Variants in RSRP1 observed in about 807,000 individuals in gnomAD.
The protein encoded by RSRP1 is arginine/serine-rich protein 1.
RSRP1 carries 37 observed loss-of-function variants against 33.0 expected under a neutral mutation model. The observed-to-expected ratio is 1.12, with a 90% CI of 0.86 to 1.48. RSRP1 has a LOEUF of 1.48. Among genes scored for constraint, RSRP1 ranks in the 40% most tolerant of loss-of-function variants. The pLI is 0.00. For synonymous variants in RSRP1, 167 were observed against 158.7 expected (o/e 1.05, Z -0.40); for missense variants, 402 against 385.3 (o/e 1.04, Z -0.36).
chr1:25,289,034 G>T (rs1642273797), intron 1 of RSRP1, among the ~76,000 whole-genome samples: 1 of 133,734 alleles, frequency 7.5e-6, no homozygotes, highest in East Asian at 2.0e-4. Context: ...GCTGAGTCCA[G>T]ACTTCAGAGC....
rs558096228 is a variant in RSRP1 at position 25,271,639 on chromosome 1, G to A, written c.-66-24610C>T. Among the ~76,000 whole-genome samples the A allele has an allele frequency of 1.5e-5, 2 of 132,570 alleles. 1 individual carries two copies. The highest frequency in any genetic ancestry group is 5.1e-5 in the African/African-American group (2 of 38,926). 87.0% of individuals were successfully genotyped at this position (132,570 alleles called of 152,430 possible). ...TACCAGACCTTCTGCCAGGCACATGGATGGGAGCACAGGGGAAGTTGGCTG... is the reference window on the plus strand; with the variant it reads ...TACCAGACCTTCTGCCAGGCACATGAATGGGAGCACAGGGGAAGTTGGCTG... On this transcript the variant is annotated intron_variant, in intron 1 of 1. Coordinates refer to the RSRP1 transcript ENST00000561867.
chr1:25,338,215 C>G (rs1182910398), upstream of RSRP1: 5 of 152,200 alleles, frequency 3.3e-5, no homozygotes, highest in African/African-American at 1.2e-4. Context: ...GCGGAAAGCC[C>G]CTGAACCCAG....
At chr1:25,272,764 T>G in intron 1 of RSRP1, 1 of 1,356,366 alleles carries the variant, frequency 7.4e-7, no homozygotes, top group East Asian at 2.2e-5. Context: ...GGCCTGTGGT[T>G]CTCCAGGGGC....
chr1:25,337,196 G>A (rs1409033571), intron 1 of RSRP1: 1 of 151,368 alleles, frequency 6.6e-6, no homozygotes, highest in Non-Finnish European at 1.5e-5. Flanking sequence ...ACCTTCCCCC[G>A]AGAGTGACCA....
intron 1 of RSRP1, chr1:25,290,716 G>T (rs749145983): frequency 1.5e-6 from 2 of 1,377,786 alleles, no homozygotes; most frequent in African/African-American, 1.4e-5. Flanking sequence ...TCAACTTGGC[G>T]CAGTTGGTGG....
chr1:25,252,574 C>T (rs1639823420), intron 1 of RSRP1, among the ~76,000 whole-genome samples: 1 of 149,848 alleles, frequency 6.7e-6, no homozygotes. Flanking sequence ...ACTCTTGTTG[C>T]CCAGGCTGGA....
chr1:25,253,489 G>C (rs538642747), intron 1 of RSRP1: 1 of 152,242 alleles, frequency 6.6e-6, no homozygotes, highest in African/African-American at 2.4e-5. Context: ...AGCCTCCCGA[G>C]TAGCTGGGAT....
intron 3 of RSRP1, chr1:25,244,583 T>C: frequency 1.6e-6 from 2 of 1,282,756 alleles, no homozygotes; most frequent in South Asian, 1.2e-5. Context: ...AAATGAAAGC[T>C]ACAAACACTC....
chr1:25,318,585 CAA>C (rs532453902), intron 1 of RSRP1, among the ~76,000 whole-genome samples: 4 of 121,138 alleles, frequency 3.3e-5, no homozygotes, highest in African/African-American at 1.1e-4. Context: ...GAGACTGTCT[CAA>C]AAAAAAAAGA....
chr1:25,291,424 G>A lies in RSRP1; in HGVS notation c.-66-44395C>T, dbSNP rs1189374685. 3.0e-5 allele frequency among the ~76,000 whole-genome samples: 4 copies of A among 131,818 alleles called. 1 individual carries two copies. Among genetic ancestry groups the A allele is most frequent in the East Asian group, 1.9e-4 (1 of 5,136 alleles). The allele number at this position is 131,818 out of a possible 152,430, so 86.5% of individuals were successfully genotyped here. A position where few individuals can be genotyped will look rare whatever the true frequency, so the allele number is the denominator to read the frequency against. ...GTGGAGGTTGCAGTGAACCGAGATC[G>A]CGCCATTGCACTGCAGCCTGGGGGA... On this transcript the variant is annotated intron_variant, in intron 1 of 1. Transcript: ENST00000561867.
chr1:25,329,822 T>A (rs1475149000), intron 1 of RSRP1: 1 of 129,218 alleles, frequency 7.7e-6, no homozygotes, highest in African/African-American at 2.6e-5. Flanking sequence ...CCCAGCTAAT[T>A]TTTGCATTTT....
chr1:25,253,885 G>C (rs1270523990), intron 1 of RSRP1: 1 of 152,178 alleles, frequency 6.6e-6, no homozygotes, highest in Non-Finnish European at 1.5e-5. Flanking sequence ...GGTGGTGGGG[G>C]TCAGCTTAGC....
At chr1:25,312,919 C>CA (rs1571719513) in intron 1 of RSRP1, among the ~76,000 whole-genome samples, 1 of 3,618 alleles carries the variant, frequency 2.8e-4, no homozygotes, top group East Asian at 0.014. Flanking sequence ...AATCCCATCT[C>CA]TAAAAAAAAA....
chr1:25,309,053 G>A lies in RSRP1; in HGVS notation c.-67+28925C>T, dbSNP rs549752434. On this transcript the variant is annotated intron_variant, in intron 1 of 1. Transcript: ENST00000561867. ...TGGAAAGATGGAGAGAGGATTAAGC[G>A]CAAAGTCACAACACTTAATGGGAAC... is the stretch of plus-strand genomic sequence containing the variant. Among the ~76,000 whole-genome samples, 4 of 132,212 alleles carry A rather than the reference G, an allele frequency of 3.0e-5. No homozygotes were observed. The South Asian group carries it at 6.9e-4, about 23-fold the overall frequency. The allele number at this position is 132,212 out of a possible 152,430, so 86.7% of individuals were successfully genotyped here. A position where few individuals can be genotyped will look rare whatever the true frequency, so the allele number is the denominator to read the frequency against.
chr1:25,285,111 T>A (rs1212840717), intron 1 of RSRP1, among the ~76,000 whole-genome samples: 3 of 133,274 alleles, frequency 2.3e-5, no homozygotes, highest in African/African-American at 7.8e-5. Context: ...GAAATAGACA[T>A]GCCACACCTA....
rs1388614461 is a variant in RSRP1 at position 25,333,606 on chromosome 1, C to G, written c.-67+4372G>C. 3.1e-5 allele frequency among the ~76,000 whole-genome samples: 4 copies of G among 131,066 alleles called. 2 individuals carry two copies. Among genetic ancestry groups the G allele is most frequent in the Non-Finnish European group, 3.6e-5 (2 of 55,600 alleles). The allele number at this position is 131,066 out of a possible 152,430, so 86.0% of individuals were successfully genotyped here. A position where few individuals can be genotyped will look rare whatever the true frequency, so the allele number is the denominator to read the frequency against. ...TGGCCAGGAGCTAGAGCATGAGGAT[C>G]TCGTAGGATTTTATTCTGCAAGGTG... On this transcript the variant is annotated intron_variant, in intron 1 of 1. Transcript: ENST00000561867.
intron 1 of RSRP1, chr1:25,290,666 T>G: frequency 7.3e-7 from 1 of 1,378,196 alleles, no homozygotes; most frequent in Non-Finnish European, 1.0e-6. Flanking sequence ...CATGAGTGCT[T>G]TGTCGGTGCT....
At chr1:25,314,293 T>G (rs1213921440) in intron 1 of RSRP1, among the ~76,000 whole-genome samples, 2 of 132,862 alleles carry the variant, frequency 1.5e-5, no homozygotes, top group African/African-American at 5.1e-5. Flanking sequence ...AACCTATTGT[T>G]TACATTTTGA....
rs540368974 is a variant in RSRP1 at position 25,300,726 on chromosome 1, G to A, written c.-67+37252C>T. ...AGGGAAGCTGAGGCAGGAGAATCGC[G>A]TGAACCTGGGAGGCAAATGTTCCAG... On this transcript the variant is annotated intron_variant, in intron 1 of 1. Transcript: ENST00000561867. Among the ~76,000 whole-genome samples the A allele has an allele frequency of 1.5e-5, 2 of 131,628 alleles. 1 individual carries two copies. The highest frequency in any genetic ancestry group is 1.5e-4 in the Admixed American group (2 of 13,654). 86.4% of individuals were successfully genotyped at this position (131,628 alleles called of 152,430 possible).
Sources: gnomAD v4.1 joint callset for allele counts (sites outside exome capture counted in the v4.1 genomes callset) on GRCh38, gnomAD v4.1.1 for gene constraint, MANE v1.5 for transcripts, NCBI Gene and HGNC (gene_info 2026-07-23, HGNC 2026-07-21) for gene names.